The following C3orf49 variants were observed in gnomAD, a reference collection of about 807,000 sequenced individuals.
C3orf49 encodes putative uncharacterized protein C3orf49.
Under a neutral mutation model 13.3 loss-of-function variants are expected in C3orf49, and 27 were observed. The ratio of observed to expected loss-of-function variants is 2.02; its 90% CI spans 1.49 to 2.79. The LOEUF (loss-of-function observed/expected upper bound fraction) is 2.79. Ranked by LOEUF, C3orf49 falls within the 30% of genes most tolerant of loss-of-function variation. C3orf49 has a pLI of 0.00. For synonymous variants in C3orf49, 87 were observed against 47.6 expected, an observed-to-expected ratio of 1.83 and a Z score of -3.40; for missense variants, 242 against 134.2, an observed-to-expected ratio of 1.80 and a Z score of -3.97.
At chr3:63,824,836 C>CAAAAAAAAAAAAA (rs34464702) in intron 2 of C3orf49, among the ~76,000 whole-genome samples, 3 of 107,884 alleles carry the variant, frequency 2.8e-5, no homozygotes, top group African/African-American at 7.3e-5. Flanking sequence ...GACCCTGTCT[C>CAAAAAAAAAAAAA]AAAAAAAAAA....
the C3orf49 span, among the ~76,000 whole-genome samples, chr3:63,784,184 C>T: frequency 1.3e-5 from 2 of 152,036 alleles, no homozygotes; most frequent in Non-Finnish European, 2.9e-5. Flanking sequence ...CATGTTAGCT[C>T]CTTTGATTTA....
At chr3:63,789,860 C>T in the C3orf49 span, among the ~76,000 whole-genome samples, 1 of 150,698 alleles carries the variant, frequency 6.6e-6, no homozygotes, top group Non-Finnish European at 1.5e-5. Context: ...CATATGCTTG[C>T]CCTTGAAAGC....
chr3:63,810,005 C>T, the C3orf49 span, among the ~76,000 whole-genome samples: 40 of 151,694 alleles, frequency 2.6e-4, no homozygotes, highest in Admixed American at 9.2e-4. Flanking sequence ...AAAAATTAGC[C>T]GGGGCATGGT....
chr3:63,844,967 T>C, intron 5 of C3orf49, 56 bp from the exon 6 acceptor site: 1 of 650,432 alleles, frequency 1.5e-6, no homozygotes, highest in Non-Finnish European at 2.8e-6. Context: ...AAGTCTAGAA[T>C]CATAAATAAA....
At chr3:63,846,657 C>G (rs1352488164) in intron 6 of C3orf49, among the ~76,000 whole-genome samples, 1 of 152,094 alleles carries the variant, frequency 6.6e-6, no homozygotes, top group Admixed American at 6.5e-5. Context: ...GTGATCCACC[C>G]ACCTCGGCCT....
intron 5 of C3orf49, among the ~76,000 whole-genome samples, chr3:63,838,794 TG>T (rs1184059153): frequency 1.6e-4 from 25 of 152,374 alleles, no homozygotes; most frequent in African/African-American, 5.0e-4. Flanking sequence ...TACTTTAAGA[TG>T]TTTTTTTAAC....
At chr3:63,797,822 G>A in the C3orf49 span, among the ~76,000 whole-genome samples, 1 of 152,154 alleles carries the variant, frequency 6.6e-6, no homozygotes, top group Non-Finnish European at 1.5e-5. Flanking sequence ...TTCTTAACAT[G>A]TAGAGTAGCA....
At chr3:63,825,550 C>T (rs1157181153) in intron 2 of C3orf49, among the ~76,000 whole-genome samples, 1 of 152,154 alleles carries the variant, frequency 6.6e-6, no homozygotes, top group Non-Finnish European at 1.5e-5. Flanking sequence ...AATCTGTGCA[C>T]TGGTTTATTT....
the C3orf49 span, among the ~76,000 whole-genome samples, chr3:63,780,954 A>T: frequency 5.3e-5 from 8 of 151,780 alleles, no homozygotes; most frequent in African/African-American, 1.5e-4. Context: ...GTTCACTCTG[A>T]TGGTAGTTTC....
At chr3:63,827,104 A>G (rs1701472688) in intron 2 of C3orf49, 1 of 152,352 alleles carries the variant, frequency 6.6e-6, no homozygotes, top group Non-Finnish European at 1.5e-5. Flanking sequence ...AAATACATTT[A>G]TGGAGTTAAG....
At chr3:63,792,159 T>C in the C3orf49 span, among the ~76,000 whole-genome samples, 2 of 152,234 alleles carry the variant, frequency 1.3e-5, no homozygotes, top group African/African-American at 4.8e-5. Context: ...CCAGCTACAG[T>C]ATGTTACAAA....
At chr3:63,798,050 T>C in the C3orf49 span, among the ~76,000 whole-genome samples, 2 of 152,188 alleles carry the variant, frequency 1.3e-5, no homozygotes, top group African/African-American at 4.8e-5. Context: ...TAGTTAGGCA[T>C]TGTATAAGAT....
chr3:63,795,639 C>T, the C3orf49 span, among the ~76,000 whole-genome samples: 2 of 152,100 alleles, frequency 1.3e-5, no homozygotes, highest in African/African-American at 4.8e-5. Context: ...CATTTGGTTC[C>T]AGGCTGTAAA....
At chr3:63,808,686 G>T in the C3orf49 span, among the ~76,000 whole-genome samples, 2 of 152,146 alleles carry the variant, frequency 1.3e-5, no homozygotes, top group Admixed American at 6.5e-5. Context: ...AATTTAGTTG[G>T]TCAAGCTTTT....
At chr3:63,824,904 T>C (rs1217525360) in intron 2 of C3orf49, among the ~76,000 whole-genome samples, 2 of 151,718 alleles carry the variant, frequency 1.3e-5, no homozygotes, top group Non-Finnish European at 2.9e-5. Context: ...ACAGAAAAAT[T>C]GAACAGAAAA....
At chr3:63,798,563 TATC>T in the C3orf49 span, among the ~76,000 whole-genome samples, 276 of 152,162 alleles carry the variant, frequency 1.8e-3, 1 homozygote, top group African/African-American at 6.2e-3. Context: ...ATTATTTTAC[TATC>T]ATCATCATCA....
chr3:63,824,407 C>A (rs1354643555), intron 2 of C3orf49, among the ~76,000 whole-genome samples: 4 of 152,092 alleles, frequency 2.6e-5, no homozygotes, highest in Non-Finnish European at 5.9e-5. Flanking sequence ...TTTCTATGTA[C>A]TGTGTGAAAG....
At chr3:63,810,203 G>A in the C3orf49 span, among the ~76,000 whole-genome samples, 1 of 128,152 alleles carries the variant, frequency 7.8e-6, no homozygotes, top group Admixed American at 7.3e-5. Context: ...CTAATATAAT[G>A]TCACTATAGC....
At chr3:63,793,802 G>C in the C3orf49 span, among the ~76,000 whole-genome samples, 1 of 152,020 alleles carries the variant, frequency 6.6e-6, no homozygotes, top group African/African-American at 2.4e-5. Flanking sequence ...ATTTTTGTCT[G>C]TTTCCTTCAC....
Sources: gnomAD v4.1 joint callset for allele counts (sites outside exome capture counted in the v4.1 genomes callset) on GRCh38, gnomAD v4.1.1 for gene constraint, MANE v1.5 for transcripts, NCBI Gene and HGNC (gene_info 2026-07-23, HGNC 2026-07-21) for gene names.